Variants in RASSF9 observed in about 807,000 individuals in gnomAD.
RASSF9 encodes ras association domain-containing protein 9.
A neutral mutation model predicts 21.4 loss-of-function variants in RASSF9; 18 were observed. The observed-to-expected ratio is 0.84, with a 90% CI of 0.58 to 1.25. RASSF9 has a LOEUF of 1.25. RASSF9 is among the 50% of genes most tolerant of loss of function. The probability of loss-of-function intolerance (pLI) is 0.00; values close to 1 mark genes in which losing one functional copy is unlikely to be tolerated. For missense variants in RASSF9, 480 were observed against 503.2 expected (o/e 0.95, Z 0.44); for synonymous variants, 183 against 179.1 (o/e 1.02, Z -0.18).
chr12:85,805,060 C>A lies in RASSF9; in HGVS notation c.950G>T (p.Ser317Ile), dbSNP rs372263989. The A allele has an allele frequency of 2.9e-5, 46 of 1,613,894 alleles. No homozygotes were observed. Among genetic ancestry groups the A allele is most frequent in the Non-Finnish European group, 3.8e-5 (45 of 1,179,906 alleles). Residue 317 changes from serine (S) to isoleucine (I), a missense_variant, in exon 2 of 2, where the codon AGT becomes ATT. Transcript: ENST00000361228. Reference protein sequence around the residue: ...ASELESSNLESVKCDLEKSMK... With the variant: ...ASELESSNLEIVKCDLEKSMK... ...GCTTTTCTCCAAATCACACTTAACA[C>A]TCTCTAAATTAGAGCTTTCCAGTTC...
In RASSF9 at chr12:85,836,225, G is replaced by T. The variant is rs1208815181; in HGVS notation, c.-24C>A. The T allele has an allele frequency of 2.6e-5, 14 of 528,542 alleles. No homozygotes were observed. Among genetic ancestry groups the T allele is most frequent in the South Asian group, 1.4e-4 (9 of 64,266 alleles). 32.7% of individuals were successfully genotyped at this position (528,542 alleles called of 1,614,324 possible). The stretch of plus-strand genomic sequence containing the variant: ...ATGGTCTGTCGGGCAAACGAATAAA[G>T]AAATTATCTTAAAGTGATCTGAGGG... On this transcript the variant is annotated 5_prime_UTR_variant, in exon 1 of 2. Transcript: ENST00000361228.
chr12:85,819,223 T>C (rs1880155176), intron 1 of RASSF9, among the ~76,000 whole-genome samples: 1 of 151,302 alleles, frequency 6.6e-6, no homozygotes, highest in Non-Finnish European at 1.5e-5. Context: ...TTTTTTTTTC[T>C]TTTTTTAGAG....
At chr12:85,809,142 C>G (rs1001138561) in intron 1 of RASSF9, among the ~76,000 whole-genome samples, 3 of 152,106 alleles carry the variant, frequency 2.0e-5, no homozygotes, top group African/African-American at 7.2e-5. Flanking sequence ...CCTCAGGTCA[C>G]ACAGTGAGTG....
Position 85,805,217 on chromosome 12 carries a change from C to T in RASSF9, c.793G>A (p.Gly265Arg), listed in dbSNP as rs770022969. Reference sequence around the variant, plus strand: ...AGTCGTTCTTCCAGCTGTTCAATTCCATCACTTTCGCTCAGGTCCTCCAGA... The same window carrying T: ...AGTCGTTCTTCCAGCTGTTCAATTCTATCACTTTCGCTCAGGTCCTCCAGA... ...QTLEDLSESD[G>R]IEQLEERLKY... Residue 265 changes from glycine to arginine, a missense_variant, in exon 2 of 2, where the codon GGA becomes AGA. Physicochemically the swap from Gly to Arg is moderately radical, Grantham distance 125 (BLOSUM62 -2). Coordinates refer to ENST00000361228, the MANE Select transcript of RASSF9 (RefSeq NM_005447.4). The T allele has an allele frequency of 6.2e-7, 1 of 1,613,782 alleles. No individual in the cohort carries two copies. Among genetic ancestry groups the T allele is most frequent in the Admixed American group, 1.7e-5 (1 of 60,004 alleles).
chr12:85,821,734 A>G (rs560227497), intron 1 of RASSF9, among the ~76,000 whole-genome samples: 1 of 152,210 alleles, frequency 6.6e-6, no homozygotes, highest in East Asian at 1.9e-4. Flanking sequence ...TCGAAGAAGT[A>G]ATATTATAAA....
At position 85,803,179 on chromosome 12, in the gene RASSF9, A is replaced by G. The variant is rs1026455266; in HGVS notation, c.*1523T>C. On this transcript the variant is annotated 3_prime_UTR_variant, in exon 2 of 2. Coordinates refer to ENST00000361228, the MANE Select transcript of RASSF9 (RefSeq NM_005447.4). ...AACAATAAAGTTGCTTTAAAAAATT[A>G]AATACTTTTCAAATTTTGAAAGTAA... is the stretch of plus-strand genomic sequence containing the variant. The G allele has an allele frequency of 2.0e-5, 3 of 152,164 alleles. No individual in the cohort carries two copies. The highest frequency in any genetic ancestry group is 4.4e-5 in the Non-Finnish European group (3 of 68,010). The allele number at this position is 152,164 out of a possible 1,614,324, so 9.4% of individuals were successfully genotyped here. A position where few individuals can be genotyped will look rare whatever the true frequency, so the allele number is the denominator to read the frequency against.
At chr12:85,826,350 A>G (rs1880332285) in intron 1 of RASSF9, among the ~76,000 whole-genome samples, 1 of 151,876 alleles carries the variant, frequency 6.6e-6, no homozygotes, top group Non-Finnish European at 1.5e-5. Context: ...TTCCGCCTCC[A>G]TGGTGACTCT....
chr12:85,822,709 C>T (rs1376732860), intron 1 of RASSF9, among the ~76,000 whole-genome samples: 1 of 152,146 alleles, frequency 6.6e-6, no homozygotes, highest in Non-Finnish European at 1.5e-5. Context: ...TAGGACTTTG[C>T]TTTATAATTC....
intron 1 of RASSF9, among the ~76,000 whole-genome samples, chr12:85,808,344 C>CA (rs1304752902): frequency 6.6e-6 from 1 of 151,962 alleles, no homozygotes; most frequent in Non-Finnish European, 1.5e-5. Flanking sequence ...GTTTATTACT[C>CA]AAAAAATCAC....
chr12:85,831,722 T>A (rs1812237412), intron 1 of RASSF9, among the ~76,000 whole-genome samples: 1 of 151,886 alleles, frequency 6.6e-6, no homozygotes, highest in South Asian at 2.1e-4. Flanking sequence ...CATAATAATT[T>A]CCCACTCTGC....
At chr12:85,814,073 T>C (rs1382513497) in intron 1 of RASSF9, among the ~76,000 whole-genome samples, 3 of 152,042 alleles carry the variant, frequency 2.0e-5, no homozygotes, top group Non-Finnish European at 4.4e-5. Flanking sequence ...AAGCTATTGG[T>C]GGCACCTATG....
chr12:85,818,873 G>T (rs61930070), intron 1 of RASSF9, among the ~76,000 whole-genome samples: 3 of 151,036 alleles, frequency 2.0e-5, no homozygotes, highest in Non-Finnish European at 4.4e-5. Context: ...GCAGGAGAAT[G>T]GCGTGAACCC....
intron 1 of RASSF9, among the ~76,000 whole-genome samples, chr12:85,826,588 C>T (rs1250547353): frequency 6.6e-6 from 1 of 151,832 alleles, no homozygotes; most frequent in African/African-American, 2.4e-5. Flanking sequence ...GCTGGGATTA[C>T]AGGCACCTGC....
At chr12:85,832,375 A>T (rs1190423256) in intron 1 of RASSF9, among the ~76,000 whole-genome samples, 2 of 151,882 alleles carry the variant, frequency 1.3e-5, no homozygotes, top group Admixed American at 1.3e-4. Context: ...AAGAAATCAT[A>T]CCTTACAACC....
In RASSF9 at chr12:85,805,579, C is replaced by T; in HGVS notation, c.431G>A (p.Ser144Asn). Reference protein sequence around the residue: ...VQNTEKLWELSPANYMKTLPP... With the variant: ...VQNTEKLWELNPANYMKTLPP... ...TAAAGTCTTCATGTAGTTTGCTGGG[C>T]TGAGCTCCCACAATTTTTCTGTGTT... The change falls in exon 2 of 2, where the codon AGC becomes AAC. Residue 144 changes from serine to asparagine, a missense_variant. Ser to Asn is a conservative substitution (Grantham distance 46). Transcript: ENST00000361228. The T allele has an allele frequency of 6.2e-7, 1 of 1,613,884 alleles. No individual in the cohort carries two copies. Among genetic ancestry groups the T allele is most frequent in the South Asian group, 1.1e-5 (1 of 91,084 alleles).
chr12:85,815,754 T>A (rs1281732665), intron 1 of RASSF9, among the ~76,000 whole-genome samples: 2 of 152,124 alleles, frequency 1.3e-5, no homozygotes, highest in African/African-American at 4.8e-5. Flanking sequence ...TTGAAAAGTA[T>A]CTGTTCATGT....
chr12:85,803,833 T>A lies in RASSF9; in HGVS notation c.*869A>T, dbSNP rs1879753957. On this transcript the variant is annotated 3_prime_UTR_variant, in exon 2 of 2. Coordinates refer to ENST00000361228, the MANE Select transcript of RASSF9 (RefSeq NM_005447.4). ...GGTTCAGAGACAAAATGCTAATAATTATAGCAGATTCTATTTTATCCACAG... is the reference window on the plus strand; with the variant it reads ...GGTTCAGAGACAAAATGCTAATAATAATAGCAGATTCTATTTTATCCACAG... 2 of 152,342 alleles carry A rather than the reference T, an allele frequency of 1.3e-5. No individual in the cohort carries two copies. Among genetic ancestry groups the A allele is most frequent in the South Asian group, 4.1e-4 (2 of 4,824 alleles). The allele number at this position is 152,342 out of a possible 1,614,324, so 9.4% of individuals were successfully genotyped here.
At chr12:85,825,089 A>G (rs1343596800) in intron 1 of RASSF9, among the ~76,000 whole-genome samples, 1 of 151,488 alleles carries the variant, frequency 6.6e-6, no homozygotes, top group Non-Finnish European at 1.5e-5. Flanking sequence ...TGCAACCTCT[A>G]CCTCCCAGGT....
At chr12:85,811,260 C>G (rs1389606810) in intron 1 of RASSF9, among the ~76,000 whole-genome samples, 1 of 151,708 alleles carries the variant, frequency 6.6e-6, no homozygotes, top group Non-Finnish European at 1.5e-5. Flanking sequence ...CTGTATCTGA[C>G]TCTGGAATAC....
Sources: gnomAD v4.1 joint callset for allele counts (sites outside exome capture counted in the v4.1 genomes callset) on GRCh38, gnomAD v4.1.1 for gene constraint, MANE v1.5 for transcripts, NCBI Gene and HGNC (gene_info 2026-07-23, HGNC 2026-07-21) for gene names.